The following FGF13 variants were observed in gnomAD, a reference collection of about 807,000 sequenced individuals.
The protein encoded by FGF13 is fibroblast growth factor 13, also known as fibroblast growth factor homologous factor 2.
FGF13 carries 2 observed loss-of-function variants against 19.5 expected under a neutral mutation model. The ratio of observed to expected loss-of-function variants is 0.10; its 90% CI spans 0.04 to 0.32. The LOEUF (loss-of-function observed/expected upper bound fraction) is 0.32. Ranked by LOEUF, FGF13 falls within the 10% of genes least tolerant of loss-of-function variation. The probability of loss-of-function intolerance (pLI) is 1.00; values close to 1 mark genes in which losing one functional copy is unlikely to be tolerated. For missense variants in FGF13, 113 were observed against 192.7 expected (o/e 0.59, Z 2.45); for synonymous variants, 72 against 76.9 (o/e 0.94, Z 0.33).
At chrX:138,633,621 A>G (rs2089147081) in intron 4 of FGF13, among the ~76,000 whole-genome samples, 1 of 112,049 alleles carries the variant, frequency 8.9e-6, no homozygotes, top group African/African-American at 3.2e-5. Flanking sequence ...GGTACAGTAA[A>G]TGGTAAAATT....
At chrX:139,173,509 C>T (rs1033875440) in intron 1 of FGF13, among the ~76,000 whole-genome samples, 3 of 110,474 alleles carry the variant, frequency 2.7e-5, no homozygotes, top group African/African-American at 9.9e-5. Context: ...CCCATCAACC[C>T]GTCATCTACA....
intron 1 of FGF13, among the ~76,000 whole-genome samples, chrX:138,923,179 A>C (rs751693576): frequency 8.9e-6 from 1 of 111,979 alleles, no homozygotes; most frequent in Non-Finnish European, 1.9e-5. Context: ...ATACCAGCTT[A>C]TTAACATTGT....
intron 1 of FGF13, among the ~76,000 whole-genome samples, chrX:138,962,804 C>T (rs1748936805): frequency 9.0e-6 from 1 of 111,227 alleles, no homozygotes; most frequent in Non-Finnish European, 1.9e-5. Flanking sequence ...AATGAGAACA[C>T]TTGGACACAG....
At chrX:138,994,743 T>C (rs768697956) in intron 1 of FGF13, among the ~76,000 whole-genome samples, 2 of 111,428 alleles carry the variant, frequency 1.8e-5, no homozygotes, top group South Asian at 3.8e-4. Flanking sequence ...TAATCCTCTA[T>C]CATTTGATAT....
chrX:139,140,899 C>T (rs1052817883), intron 1 of FGF13, among the ~76,000 whole-genome samples: 9 of 110,487 alleles, frequency 8.1e-5, no homozygotes, highest in African/African-American at 2.0e-4. Context: ...GCCTTGAATA[C>T]GCCAATTCTC....
chrX:138,900,475 C>G lies in FGF13; in HGVS notation c.-112-35825G>C, dbSNP rs777836475. Among the ~76,000 whole-genome samples, 3 of 110,969 alleles carry G rather than the reference C, an allele frequency of 2.7e-5. No homozygotes were observed. In the East Asian group the frequency reaches 8.5e-4, roughly 32 times the overall value. ...CTCAATTCCAATCCACCAGCAGTTC[C>G]CATGAGCTCTATGTCAAAAACAGGT... On this transcript the variant is annotated intron_variant, in intron 1 of 2. Transcript: ENST00000421460.
chrX:138,782,139 G>C (rs1264675263), intron 3 of FGF13, among the ~76,000 whole-genome samples: 1 of 111,846 alleles, frequency 8.9e-6, no homozygotes, highest in African/African-American at 3.3e-5. Context: ...CAATAAATTA[G>C]GTATTGATGG....
At position 138,867,147 on chromosome X, in the gene FGF13, G is replaced by A. The variant is rs780831976; in HGVS notation, c.-112-2497C>T. On this transcript the variant is annotated intron_variant, in intron 1 of 2. Coordinates refer to the FGF13 transcript ENST00000421460. ...TTCCCTATGTATTAAGTACTCCCTG[G>A]TGGGTGCAATGGCTCACACCTGTAA... 1.1e-3 allele frequency among the ~76,000 whole-genome samples: 124 copies of A among 111,271 alleles called. 1 individual carries two copies. Among genetic ancestry groups the A allele is most frequent in the Non-Finnish European group, 2.1e-3 (110 of 53,081 alleles).
chrX:138,896,792 C>A (rs1171460801), intron 1 of FGF13, among the ~76,000 whole-genome samples: 1 of 111,789 alleles, frequency 8.9e-6, no homozygotes, highest in Non-Finnish European at 1.9e-5. Context: ...TCCTGGAATG[C>A]CTCCCTCAAC....
At chrX:138,971,494 T>G (rs1202108040) in intron 1 of FGF13, among the ~76,000 whole-genome samples, 1 of 112,257 alleles carries the variant, frequency 8.9e-6, no homozygotes, top group African/African-American at 3.2e-5. Flanking sequence ...TAGTTTTTCA[T>G]AAGTCCCTTG....
chrX:138,728,603 G>A (rs1235546755), intron 1 of FGF13, among the ~76,000 whole-genome samples: 1 of 110,721 alleles, frequency 9.0e-6, no homozygotes, highest in African/African-American at 3.3e-5. Flanking sequence ...TACAATGAGT[G>A]GGAAATAGTG....
At chrX:138,947,281 A>C (rs1234194556) in intron 1 of FGF13, among the ~76,000 whole-genome samples, 2 of 111,527 alleles carry the variant, frequency 1.8e-5, no homozygotes, top group African/African-American at 6.5e-5. Context: ...GTCACAGCTT[A>C]AAATGAGCAA....
chrX:138,910,169 T>G (rs189960584), intron 1 of FGF13, among the ~76,000 whole-genome samples: 1 of 110,712 alleles, frequency 9.0e-6, no homozygotes, highest in Non-Finnish European at 1.9e-5. Flanking sequence ...GACATCATGT[T>G]AGGAGTCTTC....
At chrX:138,775,430 G>A (rs2090580629) in intron 3 of FGF13, among the ~76,000 whole-genome samples, 1 of 111,757 alleles carries the variant, frequency 8.9e-6, no homozygotes, top group African/African-American at 3.3e-5. Flanking sequence ...CTTTATGGTA[G>A]GTACATAATA....
chrX:138,742,764 A>G (rs1422387108), upstream of FGF13, among the ~76,000 whole-genome samples: 1 of 112,174 alleles, frequency 8.9e-6, no homozygotes, highest in Non-Finnish European at 1.9e-5. Context: ...ATCGAAGGCA[A>G]TAATGCCTGA....
chrX:138,692,374 G>A (rs1355918845), intron 3 of FGF13, among the ~76,000 whole-genome samples: 1 of 106,767 alleles, frequency 9.4e-6, no homozygotes, highest in Non-Finnish European at 1.9e-5. Context: ...GGGGAAAAAT[G>A]TTTTGTTGAG....
chrX:139,169,887 C>T (rs1773688983), intron 1 of FGF13, among the ~76,000 whole-genome samples: 1 of 111,401 alleles, frequency 9.0e-6, no homozygotes, highest in South Asian at 3.8e-4. Flanking sequence ...AGGGCAAAGG[C>T]CTGGGTTTTT....
intron 3 of FGF13, among the ~76,000 whole-genome samples, chrX:138,796,435 T>A (rs1395726407): frequency 8.9e-6 from 1 of 112,157 alleles, no homozygotes; most frequent in East Asian, 2.8e-4. Context: ...TATTCCATAG[T>A]GTGTATGTGC....
At chrX:138,986,901 A>G (rs1053971974) in intron 1 of FGF13, among the ~76,000 whole-genome samples, 10 of 112,456 alleles carry the variant, frequency 8.9e-5, no homozygotes, top group Non-Finnish European at 1.9e-4. Flanking sequence ...CATTCTTAAT[A>G]ATCATCTATT....
Sources: allele counts gnomAD v4.1 joint callset (sites outside exome capture counted in the v4.1 genomes callset), GRCh38; gene constraint gnomAD v4.1.1; transcripts MANE v1.5; gene names NCBI Gene and HGNC (gene_info 2026-07-23, HGNC 2026-07-21).